The following LRRIQ3 variants were observed in gnomAD, a reference collection of about 807,000 sequenced individuals.
The protein encoded by LRRIQ3 is leucine-rich repeat and IQ domain-containing protein 3.
A neutral mutation model predicts 59.3 loss-of-function variants in LRRIQ3; 75 were observed. The observed-to-expected ratio is 1.26, with a 90% CI of 1.05 to 1.53. The LOEUF is 1.53. LRRIQ3 is among the 40% of genes most tolerant of loss of function. The pLI is 0.00. For synonymous variants in LRRIQ3, 250 were observed against 231.3 expected, an observed-to-expected ratio of 1.08 and a Z score of -0.73; for missense variants, 831 against 710.0, an observed-to-expected ratio of 1.17 and a Z score of -1.94.
intron 5 of LRRIQ3, among the ~76,000 whole-genome samples, chr1:74,075,332 C>T (rs1269344866): frequency 2.0e-5 from 3 of 152,112 alleles, no homozygotes; most frequent in Admixed American, 6.6e-5. Context: ...TTTGGGAGGC[C>T]GAGGCAGGTG....
Position 74,109,387 on chromosome 1 carries a change from T to C in LRRIQ3, c.867+7A>G, listed in dbSNP as rs1293201997. On this transcript the variant is annotated splice_region_variant and intron_variant, in intron 5 of 7. Coordinates refer to ENST00000354431, the MANE Select transcript of LRRIQ3 (RefSeq NM_001105659.2). ...TCAAATAAAAATAATAAACTAATTA[T>C]ACTTACATGTTTCCAATATGCAAGC... 2.7e-6 allele frequency: 4 copies of C among 1,461,412 alleles called. No homozygotes were observed. Among genetic ancestry groups the C allele is most frequent in the African/African-American group, 2.8e-5 (2 of 70,316 alleles). 90.5% of individuals were successfully genotyped at this position (1,461,412 alleles called of 1,614,324 possible). A position where few individuals can be genotyped will look rare whatever the true frequency, so the allele number is the denominator to read the frequency against.
chr1:74,096,285 T>C (rs1646448084), intron 5 of LRRIQ3, among the ~76,000 whole-genome samples: 2 of 152,172 alleles, frequency 1.3e-5, no homozygotes, highest in Admixed American at 6.6e-5. Context: ...AATACTGTTT[T>C]AGTATTATTA....
At chr1:74,101,152 C>T (rs551452877) in intron 5 of LRRIQ3, among the ~76,000 whole-genome samples, 2 of 152,086 alleles carry the variant, frequency 1.3e-5, no homozygotes, top group Non-Finnish European at 2.9e-5. Context: ...TTTTTGCAAT[C>T]TACTCATCTG....
rs1452197477 is a variant in LRRIQ3 at position 74,159,981 on chromosome 1, C to A, written c.574-4115G>T. On this transcript the variant is annotated intron_variant, in intron 3 of 7. Transcript: ENST00000354431. ...TTCAATCTGTTCCTTATACACTATA[C>A]CTGAACTATTATAATAGACTCCTAA... Among the ~76,000 whole-genome samples the A allele has an allele frequency of 3.9e-5, 6 of 151,904 alleles. 1 individual carries two copies. In the South Asian group the frequency reaches 1.0e-3, roughly 26 times the overall value.
chr1:74,092,131 G>A (rs536039060), intron 5 of LRRIQ3, among the ~76,000 whole-genome samples: 1 of 152,124 alleles, frequency 6.6e-6, no homozygotes, highest in Non-Finnish European at 1.5e-5. Context: ...GCTGGAGTGT[G>A]CATGTGATGG....
chr1:74,078,662 A>T (rs943135500), intron 5 of LRRIQ3: 21 of 152,014 alleles, frequency 1.4e-4, no homozygotes, highest in African/African-American at 5.1e-4. Context: ...TACCATATTC[A>T]CTTCTGAAGA....
intron 1 of LRRIQ3, among the ~76,000 whole-genome samples, chr1:74,184,294 A>G (rs1455776611): frequency 6.6e-6 from 1 of 152,118 alleles, no homozygotes; most frequent in African/African-American, 2.4e-5. Flanking sequence ...GACTACTTAA[A>G]TTTATCTAAA....
rs1650162393 is a variant in LRRIQ3, at chr1:74,183,658, C to T, written c.27G>A (p.Glu9=). Residue 9 remains glutamate (E), a synonymous_variant, in exon 2 of 8, where the codon GAG becomes GAA. Coordinates refer to ENST00000354431, the MANE Select transcript of LRRIQ3 (RefSeq NM_001105659.2). MFHGTVTE[E]LTSHEEWSHY... ...GACTCCATTCTTCATGACTGGTTAG[C>T]TCTTCTGTGACTGTTCCATGAAACA... 6.2e-7 allele frequency: 1 copy of T among 1,603,458 alleles called. No individual in the cohort carries two copies. The highest frequency in any genetic ancestry group is 8.5e-7 in the Non-Finnish European group (1 of 1,175,090).
intron 6 of LRRIQ3, among the ~76,000 whole-genome samples, chr1:74,067,490 T>C (rs1198479066): frequency 2.0e-5 from 3 of 152,148 alleles, no homozygotes; most frequent in Non-Finnish European, 4.4e-5. Context: ...GATGAAGAAA[T>C]CAAGTGTATA....
intron 6 of LRRIQ3, among the ~76,000 whole-genome samples, chr1:74,073,508 T>C (rs1290922705): frequency 7.7e-6 from 1 of 129,428 alleles, no homozygotes; most frequent in Non-Finnish European, 1.7e-5. Flanking sequence ...GAGACTGTCT[T>C]AAAACAAACA....
At chr1:74,107,272 C>T (rs1454102524) in intron 5 of LRRIQ3, among the ~76,000 whole-genome samples, 2 of 151,958 alleles carry the variant, frequency 1.3e-5, no homozygotes, top group Admixed American at 6.6e-5. Context: ...CTATTCTTGG[C>T]TAATCCTTTG....
chr1:74,121,927 G>A (rs1646863503), intron 4 of LRRIQ3, among the ~76,000 whole-genome samples: 2 of 151,830 alleles, frequency 1.3e-5, no homozygotes, highest in African/African-American at 4.8e-5. Context: ...CATTTTTTAT[G>A]GCTGCATAGT....
At chr1:74,038,225 C>T (rs970900554) in intron 7 of LRRIQ3, among the ~76,000 whole-genome samples, 2 of 152,182 alleles carry the variant, frequency 1.3e-5, no homozygotes, top group Non-Finnish European at 2.9e-5. Context: ...CAGGCCTGAA[C>T]CTGACCCATC....
chr1:74,153,401 G>T (rs1048054050), intron 4 of LRRIQ3, among the ~76,000 whole-genome samples: 2 of 152,098 alleles, frequency 1.3e-5, no homozygotes, highest in African/African-American at 4.8e-5. Context: ...TAGAAATAGA[G>T]ACACAAGAAG....
At chr1:74,111,634 C>A (rs895043309) in intron 4 of LRRIQ3, among the ~76,000 whole-genome samples, 3 of 151,908 alleles carry the variant, frequency 2.0e-5, no homozygotes, top group African/African-American at 7.3e-5. Context: ...AGTTATATAT[C>A]TCTGGAAATT....
At chr1:74,111,719 T>A (rs963824193) in intron 4 of LRRIQ3, among the ~76,000 whole-genome samples, 5 of 152,200 alleles carry the variant, frequency 3.3e-5, no homozygotes, top group African/African-American at 1.2e-4. Flanking sequence ...AGTGAATCTT[T>A]GCCATTTAAA....
At chr1:74,102,659 A>G (rs1459794334) in intron 5 of LRRIQ3, among the ~76,000 whole-genome samples, 1 of 152,016 alleles carries the variant, frequency 6.6e-6, no homozygotes, top group Non-Finnish European at 1.5e-5. Flanking sequence ...TCTCAAAGAC[A>G]TGAACACTTC....
At chr1:74,087,790 G>A (rs113872379) in intron 5 of LRRIQ3, among the ~76,000 whole-genome samples, 271 of 152,010 alleles carry the variant, frequency 1.8e-3, no homozygotes, top group African/African-American at 6.1e-3. Flanking sequence ...GGATAAATCA[G>A]TATTTCTATA....
At chr1:74,060,249 TTCTTCTTCC>T (rs1209512157) in intron 6 of LRRIQ3, among the ~76,000 whole-genome samples, 99 of 127,256 alleles carry the variant, frequency 7.8e-4, no homozygotes, top group African/African-American at 2.8e-3. Context: ...CTTCTTCTTC[TTCTTCTTCC>T]TCTTCCTCTT....
Sources: allele counts gnomAD v4.1 joint callset (sites outside exome capture counted in the v4.1 genomes callset), GRCh38; gene constraint gnomAD v4.1.1; transcripts MANE v1.5; gene names NCBI Gene and HGNC (gene_info 2026-07-23, HGNC 2026-07-21).